The following GOLGB1 variants were observed in gnomAD, a reference collection of about 807,000 sequenced individuals.
The protein encoded by GOLGB1 is golgin B1.
A neutral mutation model predicts 336.9 loss-of-function variants in GOLGB1; 174 were observed. That is an observed-to-expected ratio of 0.52 (90% CI 0.46 to 0.59). The LOEUF is 0.59. Among genes scored for constraint, GOLGB1 ranks in the 20% least tolerant of loss-of-function variants. The pLI is 0.00. For synonymous variants in GOLGB1, 1,208 were observed against 1,289.2 expected, an observed-to-expected ratio of 0.94 and a Z score of 1.35; for missense variants, 3,331 against 3,645.3, an observed-to-expected ratio of 0.91 and a Z score of 2.22.
At position 121,696,609 on chromosome 3, in the gene GOLGB1, C is replaced by T; in HGVS notation, c.3914G>A (p.Gly1305Asp). ...SHSEDASALQ[G>D]GTSVAQIKAQ... is the part of the protein sequence containing the mutation. The stretch of plus-strand genomic sequence containing the variant: ...CTTAATCTGGGCAACAGAAGTTCCG[C>T]CCTGCAGAGCACTCGCATCTTCAGA... The change falls in exon 13 of 22, where the codon GGC becomes GAC. Residue 1305 changes from glycine (G) to aspartate (D), a missense_variant. By Grantham distance (94) the Gly-to-Asp change is moderately conservative. Coordinates refer to ENST00000614479, the MANE Select transcript of GOLGB1 (RefSeq NM_001366282.2). 6.2e-7 allele frequency: 1 copy of T among 1,614,154 alleles called. No homozygotes were observed. Among genetic ancestry groups the T allele is most frequent in the Non-Finnish European group, 8.5e-7 (1 of 1,180,012 alleles).
In GOLGB1 at chr3:121,690,705, C is replaced by T; in HGVS notation, c.8659G>A (p.Ala2887Thr). ...CTGTCATTTTGGAGTGAAGACATAGCTTTTTTTAAACTCTGTACTTCAGCT... is the reference window on the plus strand; with the variant it reads ...CTGTCATTTTGGAGTGAAGACATAGTTTTTTTTAAACTCTGTACTTCAGCT... ...SPAEVQSLKKAMSSLQNDRDR... is the reference protein window; with the variant it reads ...SPAEVQSLKKTMSSLQNDRDR... The change falls in exon 14 of 22, where the codon GCT becomes ACT. Residue 2887 changes from alanine to threonine, a missense_variant. By Grantham distance (58) the Ala-to-Thr change is moderately conservative (BLOSUM62 0). Coordinates refer to ENST00000614479, the MANE Select transcript of GOLGB1 (RefSeq NM_001366282.2). 6.6e-7 allele frequency: 1 copy of T among 1,520,456 alleles called. No homozygotes were observed. Among genetic ancestry groups the T allele is most frequent in the Non-Finnish European group, 8.8e-7 (1 of 1,137,950 alleles). 94.2% of individuals were successfully genotyped at this position (1,520,456 alleles called of 1,614,324 possible).
At chr3:121,730,483 G>A (rs1946011649) in intron 2 of GOLGB1, among the ~76,000 whole-genome samples, 2 of 151,856 alleles carry the variant, frequency 1.3e-5, no homozygotes, top group Admixed American at 1.3e-4. Context: ...ACAAACTATA[G>A]GAGAAGTGGT....
chr3:121,708,284 CT>C (rs1345251413), intron 10 of GOLGB1, among the ~76,000 whole-genome samples: 1 of 151,946 alleles, frequency 6.6e-6, no homozygotes, highest in Admixed American at 6.6e-5. Flanking sequence ...CATGAAAAAA[CT>C]TCTAGAGATG....
intron 3 of GOLGB1, among the ~76,000 whole-genome samples, chr3:121,729,617 A>G (rs769571160): frequency 6.6e-6 from 1 of 151,876 alleles, no homozygotes; most frequent in African/African-American, 2.4e-5. Flanking sequence ...GGGTCTCACT[A>G]TGTTGCCCAG....
chr3:121,699,949 C>T, intron 11 of GOLGB1, 64 bp from the exon 12 acceptor site: 1 of 893,350 alleles, frequency 1.1e-6, no homozygotes, highest in South Asian at 1.6e-5. Flanking sequence ...AACAGGATTG[C>T]ATGTGAAGCT....
Position 121,696,075 on chromosome 3 carries a change from T to A in GOLGB1, c.4448A>T (p.Lys1483Met). The change falls in exon 13 of 22, where the codon AAG (lysine) becomes ATG (methionine). Residue 1483 changes from lysine (K) to methionine (M), a missense_variant. Lys to Met is a moderately conservative substitution (Grantham distance 95). Transcript: ENST00000614479. Reference sequence around the variant, plus strand: ...TTGCAGTTTCCTTTGTATTTGTTGCTTTGCTCTACTTTCTTCTCCAATCTC... The same window carrying A: ...TTGCAGTTTCCTTTGTATTTGTTGCATTGCTCTACTTTCTTCTCCAATCTC... ...PEEIGEESRA[K>M]QQIQRKLQAA... 1 of 1,613,888 alleles carries A rather than the reference T, an allele frequency of 6.2e-7. No homozygotes were observed. Among genetic ancestry groups the A allele is most frequent in the Non-Finnish European group, 8.5e-7 (1 of 1,179,960 alleles).
chr3:121,724,347 C>G (rs567668125), intron 5 of GOLGB1, among the ~76,000 whole-genome samples: 2 of 152,250 alleles, frequency 1.3e-5, no homozygotes, highest in Middle Eastern at 6.8e-3. Context: ...AACAAAGTAT[C>G]AGAAACTAGA....
chr3:121,720,870 G>A (rs143948526), intron 6 of GOLGB1, among the ~76,000 whole-genome samples: 8 of 152,040 alleles, frequency 5.3e-5, no homozygotes, highest in South Asian at 4.2e-4. Flanking sequence ...CAACTTTTCC[G>A]TGTAATTTTC....
chr3:121,696,876 T>C lies in GOLGB1; in HGVS notation c.3647A>G (p.Asp1216Gly), dbSNP rs745812459. The change falls in exon 13 of 22, where the codon GAC becomes GGC. Residue 1216 changes from aspartate (D) to glycine (G), a missense_variant. Physicochemically the swap from Asp to Gly is moderately conservative, Grantham distance 94 (BLOSUM62 -1). Transcript: ENST00000614479. ...AAACTGTTCTTGCAAGCGATTATAGTCATCTTTCTGTTGCTTTAGCTCCTC... is the reference window on the plus strand; with the variant it reads ...AAACTGTTCTTGCAAGCGATTATAGCCATCTTTCTGTTGCTTTAGCTCCTC... ...LREELKQQKDDYNRLQEQFDE... is the reference protein window; with the variant it reads ...LREELKQQKDGYNRLQEQFDE... The C allele has an allele frequency of 6.2e-7, 1 of 1,614,198 alleles. No homozygotes were observed. Among genetic ancestry groups the C allele is most frequent in the East Asian group, 2.2e-5 (1 of 44,888 alleles).
rs1427398347 is a variant in GOLGB1 at position 121,730,864 on chromosome 3, A to C, written c.96+12T>G. ...ATGTCTTACCAGTTTAAATCAGAAC[A>C]GAACTACTCACAGGGTCTAGGGGAG... On this transcript the variant is annotated intron_variant, in intron 2 of 21. Coordinates refer to ENST00000614479, the MANE Select transcript of GOLGB1 (RefSeq NM_001366282.2). The C allele has an allele frequency of 6.2e-7, 1 of 1,605,940 alleles. No individual in the cohort carries two copies. Among genetic ancestry groups the C allele is most frequent in the Admixed American group, 1.7e-5 (1 of 58,404 alleles).
chr3:121,676,975 G>A lies in GOLGB1; in HGVS notation c.9095C>T (p.Thr3032Ile), dbSNP rs765971058. The change falls in exon 17 of 22, where the codon ACA (threonine) becomes ATA (isoleucine). Residue 3032 changes from threonine (T) to isoleucine (I), a missense_variant. Coordinates refer to ENST00000614479, the MANE Select transcript of GOLGB1 (RefSeq NM_001366282.2). ...PDGSQNLVYE[T>I]ELLRTQLNDS... is the part of the protein sequence containing the mutation. ...ATTGAGCTGGGTCCTGAGAAGTTCT[G>A]TCTCATAAACCAGATTTTGTGACCC... 2 of 1,613,324 alleles carry A rather than the reference G, an allele frequency of 1.2e-6. No homozygotes were observed.
At chr3:121,735,122 C>A (rs1334932570) in intron 1 of GOLGB1, among the ~76,000 whole-genome samples, 1 of 152,094 alleles carries the variant, frequency 6.6e-6, no homozygotes, top group South Asian at 2.1e-4. Flanking sequence ...GTTGTCAGGG[C>A]TTGAGGGAAG....
At chr3:121,738,267 C>A (rs1946618742) in intron 1 of GOLGB1, among the ~76,000 whole-genome samples, 1 of 152,090 alleles carries the variant, frequency 6.6e-6, no homozygotes. Context: ...ACAAAATAAC[C>A]AACTGATGGG....
At chr3:121,703,802 A>G (rs535240129) in intron 10 of GOLGB1, among the ~76,000 whole-genome samples, 17 of 152,336 alleles carry the variant, frequency 1.1e-4, no homozygotes, top group Non-Finnish European at 2.4e-4. Context: ...AAAAAAATAT[A>G]ATCAACAGAT....
chr3:121,729,463 G>A, intron 3 of GOLGB1, 123 bp from the exon 4 acceptor site: 1 of 767,458 alleles, frequency 1.3e-6, no homozygotes, highest in South Asian at 1.8e-5. Context: ...ACCAGGGCTG[G>A]AGTGCAGTGG....
In GOLGB1 at chr3:121,718,431, TCAA is replaced by T. The variant is rs766298050; in HGVS notation, c.839_841del (p.Val280del). The T allele has an allele frequency of 1.9e-6, 3 of 1,613,960 alleles. No individual in the cohort carries two copies. Among genetic ancestry groups the T allele is most frequent in the Non-Finnish European group, 2.5e-6 (3 of 1,179,830 alleles). ...AGCAGTCAGCTCCTGTTGCAGCAAG[TCAA>T]CGACCTGAGCACGGCCCACCAAGGA... On this transcript the variant is annotated inframe_deletion, in exon 8 of 22. Transcript: ENST00000614479.
chr3:121,707,225 C>CAAAAAAAAAAAAAAAAAAAAAAAA (rs554313106), intron 10 of GOLGB1, among the ~76,000 whole-genome samples: 2 of 93,668 alleles, frequency 2.1e-5, no homozygotes, highest in Non-Finnish European at 4.0e-5. Context: ...GACTCCATCT[C>CAAAAAAAAAAAAAAAAAAAAAAAA]AAAAAAAAAA....
rs1938195789 is a variant in GOLGB1, at chr3:121,663,509, G to C, written c.*971C>G. The C allele has an allele frequency of 6.6e-6, 1 of 152,176 alleles. No individual in the cohort carries two copies. The highest frequency in any genetic ancestry group is 1.5e-5 in the Non-Finnish European group (1 of 68,044). 9.4% of individuals were successfully genotyped at this position (152,176 alleles called of 1,614,324 possible). A position where few individuals can be genotyped will look rare whatever the true frequency, so the allele number is the denominator to read the frequency against. On this transcript the variant is annotated 3_prime_UTR_variant, in exon 22 of 22. Coordinates refer to ENST00000614479, the MANE Select transcript of GOLGB1 (RefSeq NM_001366282.2). ...ATATTCTCCTTCCATTGCCACAGAG[G>C]GCAGAGACAATGGGGCTGAGAAACT...
chr3:121,709,095 T>C (rs1439770318), intron 10 of GOLGB1, among the ~76,000 whole-genome samples: 1 of 152,198 alleles, frequency 6.6e-6, no homozygotes, highest in Non-Finnish European at 1.5e-5. Flanking sequence ...GAAGTATTAC[T>C]ACAGATAGAG....
Sources: gnomAD v4.1 joint callset for allele counts (sites outside exome capture counted in the v4.1 genomes callset) on GRCh38, gnomAD v4.1.1 for gene constraint, MANE v1.5 for transcripts, NCBI Gene and HGNC (gene_info 2026-07-23, HGNC 2026-07-21) for gene names.